The following C1QTNF9 variants were observed in gnomAD, a reference collection of about 807,000 sequenced individuals.
C1QTNF9 encodes complement C1q and tumor necrosis factor-related protein 9A.
Under a neutral mutation model 10.1 loss-of-function variants are expected in C1QTNF9, and 6 were observed. The ratio of observed to expected loss-of-function variants is 0.59; its 90% CI spans 0.32 to 1.17. The LOEUF (loss-of-function observed/expected upper bound fraction) is 1.17. Ranked by LOEUF, C1QTNF9 falls within the 50% of genes most tolerant of loss-of-function variation. The pLI, the probability that C1QTNF9 is intolerant of heterozygous loss-of-function variation, is 0.04. For synonymous variants in C1QTNF9, 98 were observed against 163.5 expected (o/e 0.60, Z 3.06); for missense variants, 201 against 418.8 (o/e 0.48, Z 4.54).
chr13:24,309,683 A>T (rs1363798203), intron 1 of C1QTNF9, 67 bp downstream of exon 1: 4 of 152,214 alleles, frequency 2.6e-5, no homozygotes, highest in African/African-American at 9.7e-5. Context: ...AACAACGCTT[A>T]TATTATCTGT....
In C1QTNF9 at chr13:24,317,304, A is replaced by G. The variant is rs1472573989; in HGVS notation, c.166+1135A>G. On this transcript the variant is annotated intron_variant, in intron 2 of 3. Transcript: ENST00000332018. ...GTGTGTATTGTATTTCTGAATATAT[A>G]AGATTTTCATTTTTTGTTATAAAAT... 2.6e-5 allele frequency among the ~76,000 whole-genome samples: 4 copies of G among 151,704 alleles called. No homozygotes were observed. In the East Asian group the frequency reaches 5.8e-4, roughly 22 times the overall value.
chr13:24,319,717 C>A (rs555952990), intron 3 of C1QTNF9, among the ~76,000 whole-genome samples: 89 of 152,308 alleles, frequency 5.8e-4, no homozygotes, highest in Admixed American at 9.8e-4. Context: ...TGACTTGGTG[C>A]ATCTGGCAGC....
At chr13:24,315,918 G>C in intron 1 of C1QTNF9, 64 bp from the exon 2 acceptor site, 10 of 1,575,172 alleles carry the variant, frequency 6.3e-6, no homozygotes, top group Non-Finnish European at 8.7e-6. Context: ...GCACGGAACA[G>C]AGGCTGTGTC....
rs372221797 is a variant in C1QTNF9 at position 24,316,836 on chromosome 13, C to T, written c.166+667C>T. Among the ~76,000 whole-genome samples, 517 of 152,280 alleles carry T rather than the reference C, an allele frequency of 3.4e-3. 6 individuals are homozygous for T. Among genetic ancestry groups the T allele is most frequent in the African/African-American group, 0.012 (483 of 41,546 alleles). On this transcript the variant is annotated intron_variant, in intron 2 of 3. Transcript: ENST00000332018. The stretch of plus-strand genomic sequence containing the variant: ...AACAACAACCAATAGACTTGGTTTC[C>T]GAATGGGGTACCATTCTTGAGGCCT...
Position 24,315,666 on chromosome 13 carries a change from TG to T in C1QTNF9, c.-22-315del, listed in dbSNP as rs1593533506. On this transcript the variant is annotated intron_variant, in intron 1 of 3. Coordinates refer to ENST00000332018, the Ensembl canonical transcript of C1QTNF9. ...ACAGTCCTGTGAGATAAGTAAGCAT[TG>T]ATCTCTGGTTCAGAAAAGTGATTTC... is the stretch of plus-strand genomic sequence containing the variant. The T allele has an allele frequency of 1.3e-5, 6 of 468,658 alleles. No homozygotes were observed. The East Asian group carries it at 1.9e-4, about 15-fold the overall frequency. The allele number at this position is 468,658 out of a possible 1,614,324, so 29.0% of individuals were successfully genotyped here.
chr13:24,320,909 T>A (rs894669251), intron 3 of C1QTNF9, 87 bp from the exon 4 acceptor site: 64 of 1,439,196 alleles, frequency 4.4e-5, no homozygotes, highest in Non-Finnish European at 5.5e-5. Context: ...CTTTGTTTCA[T>A]TTGTGAGCTC....
At chr13:24,319,938 T>C (rs1878184874) in intron 3 of C1QTNF9, among the ~76,000 whole-genome samples, 1 of 152,106 alleles carries the variant, frequency 6.6e-6, no homozygotes, top group Non-Finnish European at 1.5e-5. Context: ...CCTGTGTGCA[T>C]ATGGGGACAG....
chr13:24,308,126 T>C (rs1877667894), upstream of C1QTNF9, among the ~76,000 whole-genome samples: 1 of 152,194 alleles, frequency 6.6e-6, no homozygotes. Context: ...GGGGAGCGCG[T>C]GGCCGGTGGA....
chr13:24,309,429 T>A (rs1450190466), upstream of C1QTNF9: 3 of 151,940 alleles, frequency 2.0e-5, no homozygotes, highest in Non-Finnish European at 4.4e-5. Context: ...GCTACCTGAT[T>A]TACGTGTTGC....
At chr13:24,314,128 C>T (rs1877939275) in intron 1 of C1QTNF9, among the ~76,000 whole-genome samples, 1 of 152,184 alleles carries the variant, frequency 6.6e-6, no homozygotes, top group South Asian at 2.1e-4. Flanking sequence ...ACATAGATGT[C>T]TTTTGCTCTT....
chr13:24,320,092 A>G (rs1319045180), intron 3 of C1QTNF9, among the ~76,000 whole-genome samples: 1 of 152,110 alleles, frequency 6.6e-6, no homozygotes, highest in Non-Finnish European at 1.5e-5. Context: ...GTTGGGCAGG[A>G]GAGGGCAATG....
exon 4 of C1QTNF9, chr13:24,322,137 G>A: frequency 5.2e-6 from 1 of 191,026 alleles, no homozygotes; most frequent in Non-Finnish European, 1.0e-5. Context: ...AGAGGGAAAT[G>A]TTTATTCAAT....
At position 24,318,833 on chromosome 13, in the gene C1QTNF9, C is replaced by T. The variant is rs751174829; in HGVS notation, c.182C>T (p.Pro61Leu). The change falls in exon 3 of 4, where the codon CCT (proline) becomes CTT (leucine). Residue 61 changes from proline to leucine, a missense_variant. Physicochemically the swap from Pro to Leu is moderately conservative, Grantham distance 98. This residue lies in a region of C1QTNF9 where 53 missense variants were observed against 81.6 expected (regional missense o/e 0.65). Transcript: ENST00000332018. ...TTCCACCTAGGAGAACCAGGACGTC[C>T]TGGCAGCCCGGGGAAGGATGGGACG... 2.1e-5 allele frequency: 34 copies of T among 1,614,142 alleles called. No individual in the cohort carries two copies. The South Asian group carries it at 3.7e-4, about 18-fold the overall frequency.
intron 1 of C1QTNF9, among the ~76,000 whole-genome samples, chr13:24,311,899 A>G (rs9511189): frequency 0.5 from 76,248 of 151,732 alleles, 21,112 homozygotes; most frequent in South Asian, 0.66. Context: ...GGGAAAGGGC[A>G]CCCCCTTACC....
intron 1 of C1QTNF9, among the ~76,000 whole-genome samples, chr13:24,314,026 G>A (rs1452585002): frequency 6.6e-6 from 1 of 152,118 alleles, no homozygotes; most frequent in Non-Finnish European, 1.5e-5. Context: ...GTTTTCACCT[G>A]TTATAGATAA....
intron 1 of C1QTNF9, among the ~76,000 whole-genome samples, chr13:24,313,296 C>T (rs9551092): frequency 0.18 from 27,293 of 152,134 alleles, 2,744 homozygotes; most frequent in African/African-American, 0.26. Flanking sequence ...GAAGAGTAAC[C>T]ATTTGCTTCC....
upstream of C1QTNF9, among the ~76,000 whole-genome samples, chr13:24,307,438 C>T (rs1345724462): frequency 6.6e-6 from 1 of 152,230 alleles, no homozygotes; most frequent in East Asian, 1.9e-4. Flanking sequence ...TGCTAGTGGC[C>T]CTGCTCACTC....
upstream of C1QTNF9, among the ~76,000 whole-genome samples, chr13:24,308,906 T>C (rs1252973661): frequency 6.6e-6 from 1 of 152,196 alleles, no homozygotes; most frequent in Non-Finnish European, 1.5e-5. Context: ...TTACTGGCAT[T>C]GAACAAATGG....
intron 1 of C1QTNF9, chr13:24,315,743 T>C (rs986734608): frequency 3.8e-6 from 2 of 528,790 alleles, no homozygotes; most frequent in African/African-American, 3.8e-5. Context: ...AACTTGGCTT[T>C]TTAAATTGCC....
Sources: allele counts gnomAD v4.1 joint callset (sites outside exome capture counted in the v4.1 genomes callset), GRCh38; gene constraint gnomAD v4.1.1; regional missense constraint gnomAD v4.1.1; transcripts MANE v1.5; gene names NCBI Gene and HGNC (gene_info 2026-07-23, HGNC 2026-07-21).